ZDHHC15: variants seen among roughly 807,000 people sequenced by gnomAD.
ZDHHC15 encodes palmitoyltransferase ZDHHC15.
Under a neutral mutation model 31.7 loss-of-function variants are expected in ZDHHC15, and 19 were observed. The observed-to-expected ratio is 0.60, with a 90% confidence interval of 0.42 to 0.88. The LOEUF is 0.88. ZDHHC15 is among the 40% of genes least tolerant of loss of function. ZDHHC15 has a pLI of 0.00. For missense variants in ZDHHC15, 209 were observed against 251.2 expected, an observed-to-expected ratio of 0.83 and a Z score of 1.14; for synonymous variants, 103 against 90.0, an observed-to-expected ratio of 1.14 and a Z score of -0.82.
At chrX:75,378,648 C>A (rs970130160) in intron 11 of ZDHHC15, among the ~76,000 whole-genome samples, 7 of 111,720 alleles carry the variant, frequency 6.3e-5, no homozygotes, top group African/African-American at 2.3e-4. Flanking sequence ...AAGTTGTCTG[C>A]CACTACTTAA....
intron 1 of ZDHHC15, among the ~76,000 whole-genome samples, chrX:75,518,250 CAA>C (rs2085391044): frequency 9.0e-6 from 1 of 111,070 alleles, no homozygotes. Context: ...TCAGAACATG[CAA>C]AAAATATTAA....
chrX:75,375,924 C>A (rs780159690), intron 11 of ZDHHC15, among the ~76,000 whole-genome samples: 4 of 111,385 alleles, frequency 3.6e-5, no homozygotes, highest in African/African-American at 1.3e-4. Flanking sequence ...GTATATATAC[C>A]CAGTAATGGG....
intron 2 of ZDHHC15, among the ~76,000 whole-genome samples, chrX:75,487,486 C>A (rs769201627): frequency 8.9e-6 from 1 of 112,070 alleles, no homozygotes; most frequent in South Asian, 3.8e-4. Flanking sequence ...AGAAGGAGAG[C>A]ACCACATCAA....
At chrX:75,395,965 C>T (rs1163185685) in intron 10 of ZDHHC15, among the ~76,000 whole-genome samples, 4 of 112,312 alleles carry the variant, frequency 3.6e-5, no homozygotes, top group African/African-American at 1.3e-4. Context: ...AAACTACACC[C>T]TTACCTCTTT....
At chrX:75,496,145 T>C (rs1220868268) in intron 2 of ZDHHC15, among the ~76,000 whole-genome samples, 3 of 110,521 alleles carry the variant, frequency 2.7e-5, no homozygotes, top group African/African-American at 9.8e-5. Context: ...AAACTTAAGG[T>C]AAAGGTGTGG....
intron 1 of ZDHHC15, among the ~76,000 whole-genome samples, chrX:75,514,636 G>A (rs2085327751): frequency 8.9e-6 from 1 of 111,740 alleles, no homozygotes; most frequent in Non-Finnish European, 1.9e-5. Flanking sequence ...CCCTTTCCTG[G>A]CCATGGGAAA....
intron 11 of ZDHHC15, among the ~76,000 whole-genome samples, chrX:75,378,401 G>T (rs1227054898): frequency 1.8e-5 from 2 of 112,119 alleles, no homozygotes; most frequent in African/African-American, 6.5e-5. Flanking sequence ...CAGAATTTCT[G>T]TAAGGGAAAG....
intron 10 of ZDHHC15, among the ~76,000 whole-genome samples, chrX:75,404,379 T>C (rs1376124386): frequency 8.9e-6 from 1 of 111,926 alleles, no homozygotes; most frequent in African/African-American, 3.2e-5. Flanking sequence ...TGACAAATAG[T>C]ATCTAATTAA....
chrX:75,429,798 A>G, intron 6 of ZDHHC15, 150 bp downstream of exon 6: 1 of 503,719 alleles, frequency 2.0e-6, no homozygotes, highest in Non-Finnish European at 3.1e-6. Flanking sequence ...TTTATTTAAA[A>G]TGTTACCCCT....
At chrX:75,404,045 C>T (rs976624131) in intron 10 of ZDHHC15, among the ~76,000 whole-genome samples, 1 of 111,421 alleles carries the variant, frequency 9.0e-6, no homozygotes, top group Admixed American at 9.5e-5. Flanking sequence ...ACCAAAGGAA[C>T]ACAATAGAGA....
chrX:75,445,407 A>G (rs970604102), intron 4 of ZDHHC15, among the ~76,000 whole-genome samples: 1 of 112,050 alleles, frequency 8.9e-6, no homozygotes, highest in African/African-American at 3.2e-5. Flanking sequence ...ATTTATGAGA[A>G]GCAAGTAGCT....
chrX:75,454,270 A>G (rs1202694391), intron 3 of ZDHHC15, among the ~76,000 whole-genome samples: 1 of 111,845 alleles, frequency 8.9e-6, no homozygotes, highest in Admixed American at 9.5e-5. Flanking sequence ...ATCATGAGTG[A>G]ACTCCCATTC....
chrX:75,493,593 T>C (rs1389610661), intron 2 of ZDHHC15, among the ~76,000 whole-genome samples: 1 of 111,969 alleles, frequency 8.9e-6, no homozygotes, highest in African/African-American at 3.3e-5. Context: ...CATGATCAAG[T>C]GGGCTTCATC....
chrX:75,491,924 A>C (rs998979652), intron 2 of ZDHHC15, among the ~76,000 whole-genome samples: 11 of 111,730 alleles, frequency 9.8e-5, no homozygotes, highest in East Asian at 2.8e-4. Flanking sequence ...ATGACAGGAT[A>C]AAATTCACAC....
intron 10 of ZDHHC15, among the ~76,000 whole-genome samples, chrX:75,392,170 G>A (rs1242514811): frequency 8.9e-6 from 1 of 112,078 alleles, no homozygotes; most frequent in Non-Finnish European, 1.9e-5. Flanking sequence ...CTCAAAATAG[G>A]CTGTCTGCAG....
At chrX:75,483,008 T>C (rs1435512681) in intron 2 of ZDHHC15, among the ~76,000 whole-genome samples, 1 of 105,589 alleles carries the variant, frequency 9.5e-6, no homozygotes, top group African/African-American at 3.4e-5. Context: ...TGTGTATATA[T>C]ATATATATGT....
In ZDHHC15 at chrX:75,474,158, T is replaced by C. The variant is rs566748995; in HGVS notation, c.258+4733A>G. Among the ~76,000 whole-genome samples the C allele has an allele frequency of 1.3e-4, 14 of 110,460 alleles. 1 individual carries two copies. In the South Asian group the frequency reaches 5.1e-3, roughly 40 times the overall value. On this transcript the variant is annotated intron_variant, in intron 3 of 11. Coordinates refer to ENST00000373367, the MANE Select transcript of ZDHHC15 (RefSeq NM_144969.3). ...CATAGGAGATTAAGATTTGAGTCAG[T>C]AGGCTTGGGAAGGCAGACCCACCCT...
At chrX:75,494,027 GA>G (rs1413494631) in intron 2 of ZDHHC15, among the ~76,000 whole-genome samples, 2 of 111,460 alleles carry the variant, frequency 1.8e-5, no homozygotes, top group Non-Finnish European at 3.8e-5. Flanking sequence ...TGTATATCTA[GA>G]AAACCCTATC....
chrX:75,522,830 A>C, intron 1 of ZDHHC15, 59 bp downstream of exon 1: 1 of 1,192,151 alleles, frequency 8.4e-7, no homozygotes, highest in South Asian at 1.8e-5. Context: ...GTGTGAAGGT[A>C]GGGCAAACGA....
Sources: gnomAD v4.1 joint callset for allele counts (sites outside exome capture counted in the v4.1 genomes callset) on GRCh38, gnomAD v4.1.1 for gene constraint, MANE v1.5 for transcripts, NCBI Gene and HGNC (gene_info 2026-07-23, HGNC 2026-07-21) for gene names.